Variants in DLC1 observed in about 807,000 individuals in gnomAD.
DLC1 encodes DLC1 Rho GTPase activating protein, also known as rho GTPase-activating protein 7.
In DLC1, 54 loss-of-function variants were observed where a neutral mutation model predicts 140.3. The ratio of observed to expected loss-of-function variants is 0.38; its 90% CI spans 0.31 to 0.48. The LOEUF (loss-of-function observed/expected upper bound fraction) is 0.48. Among genes scored for constraint, DLC1 ranks in the 20% least tolerant of loss-of-function variants. The probability of loss-of-function intolerance (pLI) is 0.96; values close to 1 mark genes in which losing one functional copy is unlikely to be tolerated. For synonymous variants in DLC1, 986 were observed against 728.1 expected (o/e 1.35, Z -5.70); for missense variants, 2,536 against 1,907.0 (o/e 1.33, Z -6.14).
At chr8:13,425,645 A>G (rs966235273) in intron 2 of DLC1, among the ~76,000 whole-genome samples, 5 of 129,858 alleles carry the variant, frequency 3.9e-5, no homozygotes, top group Admixed American at 8.7e-5. Flanking sequence ...TTGAGTCAAT[A>G]TCATTATTAT....
At chr8:13,125,806 T>A (rs747978911) in intron 5 of DLC1, among the ~76,000 whole-genome samples, 6 of 151,850 alleles carry the variant, frequency 4.0e-5, no homozygotes, top group Non-Finnish European at 7.4e-5. Flanking sequence ...TTAAAGAACA[T>A]TCCTAGAAAT....
chr8:13,311,584 A>G (rs1303761033), intron 4 of DLC1, among the ~76,000 whole-genome samples: 1 of 152,236 alleles, frequency 6.6e-6, no homozygotes, highest in Non-Finnish European at 1.5e-5. Flanking sequence ...AATAAAAGTT[A>G]TCAGCAATAT....
intron 3 of DLC1, 116 bp from the exon 4 acceptor site, chr8:13,393,809 A>C (rs1586266256): frequency 8.1e-7 from 1 of 1,238,920 alleles, no homozygotes. Context: ...TGATACACTA[A>C]AGAGTTGCTG....
chr8:13,545,501 G>A (rs1275615991), intron 1 of DLC1, among the ~76,000 whole-genome samples: 1 of 151,926 alleles, frequency 6.6e-6, no homozygotes, highest in African/African-American at 2.4e-5. Flanking sequence ...GTCCAAATTG[G>A]ATCATGATGC....
chr8:13,508,170 T>G (rs980357235), intron 1 of DLC1, among the ~76,000 whole-genome samples: 1 of 152,210 alleles, frequency 6.6e-6, no homozygotes, highest in Non-Finnish European at 1.5e-5. Context: ...TGTCTAATTT[T>G]CTTGCAGAGA....
At chr8:13,584,138 G>C (rs374529718) in intron 1 of DLC1, 1 of 153,282 alleles carries the variant, frequency 6.5e-6, no homozygotes, top group African/African-American at 2.4e-5. Context: ...TGCATCAGCT[G>C]CATGTTCTGT....
intron 5 of DLC1, among the ~76,000 whole-genome samples, chr8:13,255,467 A>G (rs1528628): frequency 0.55 from 83,188 of 152,006 alleles, 23,095 homozygotes; most frequent in East Asian, 0.86. Flanking sequence ...GTATCCTCAT[A>G]TCCACTAACT....
chr8:13,103,451 T>C (rs1249195988), intron 7 of DLC1, among the ~76,000 whole-genome samples: 2 of 152,178 alleles, frequency 1.3e-5, no homozygotes, highest in Non-Finnish European at 2.9e-5. Flanking sequence ...CTCTGATTCT[T>C]CAACTCTCAA....
Position 13,092,607 on chromosome 8 carries a change from C to G in DLC1, c.3740+5G>C, listed in dbSNP as rs774751541. 3 of 1,613,754 alleles carry G rather than the reference C, an allele frequency of 1.9e-6. No homozygotes were observed. The highest frequency in any genetic ancestry group is 2.5e-6 in the Non-Finnish European group (3 of 1,179,912). ...GTGTGCATGCACCTCCCATGCAGCC[C>G]GTACCTGGGAGAGGAATTCTCTCTC... is the stretch of plus-strand genomic sequence containing the variant. On this transcript the variant is annotated splice_donor_5th_base_variant and intron_variant, in intron 13 of 17. Transcript: ENST00000276297.
At chr8:13,363,007 C>T (rs1470542131) in intron 4 of DLC1, among the ~76,000 whole-genome samples, 1 of 152,124 alleles carries the variant, frequency 6.6e-6, no homozygotes, top group Non-Finnish European at 1.5e-5. Context: ...TTCATTTATT[C>T]AGTAATTGTG....
chr8:13,517,100 T>C (rs1802612119), upstream of DLC1, among the ~76,000 whole-genome samples: 1 of 152,184 alleles, frequency 6.6e-6, no homozygotes, highest in East Asian at 1.9e-4. Flanking sequence ...ATTTGTGTAT[T>C]TATGTTTATT....
intron 4 of DLC1, among the ~76,000 whole-genome samples, chr8:13,311,279 T>A (rs1174121815): frequency 6.6e-6 from 1 of 152,180 alleles, no homozygotes; most frequent in Non-Finnish European, 1.5e-5. Flanking sequence ...AGAATGTGGC[T>A]TTATAACCCT....
At chr8:13,320,802 G>T (rs1384989521) in intron 4 of DLC1, among the ~76,000 whole-genome samples, 2 of 152,238 alleles carry the variant, frequency 1.3e-5, no homozygotes, top group African/African-American at 4.8e-5. Context: ...ATTGCTTGAG[G>T]CCAAGAGTTC....
At chr8:13,433,501 A>G (rs1418354953) in intron 2 of DLC1, among the ~76,000 whole-genome samples, 4 of 152,350 alleles carry the variant, frequency 2.6e-5, no homozygotes, top group East Asian at 3.9e-4. Context: ...GGCTTTTCCA[A>G]TTAATGGTCA....
chr8:13,228,682 T>C (rs1351508964), intron 5 of DLC1, among the ~76,000 whole-genome samples: 1 of 152,204 alleles, frequency 6.6e-6, no homozygotes, highest in East Asian at 1.9e-4. Context: ...CCCAGGAGGC[T>C]GCAGTGAACT....
At chr8:13,519,575 C>A (rs932604197), upstream of DLC1, among the ~76,000 whole-genome samples, 9 of 152,100 alleles carry the variant, frequency 5.9e-5, no homozygotes, top group South Asian at 8.3e-4. Flanking sequence ...AACTTGGTAA[C>A]CATATAGTAT....
intron 1 of DLC1, among the ~76,000 whole-genome samples, chr8:13,548,358 A>T (rs13262009): frequency 6.5e-5 from 8 of 123,302 alleles, no homozygotes; most frequent in Non-Finnish European, 1.2e-4. Context: ...TATCTTGTTC[A>T]TTGCTGTGTA....
intron 1 of DLC1, among the ~76,000 whole-genome samples, chr8:13,588,120 G>A (rs993180466): frequency 1.3e-5 from 2 of 152,024 alleles, no homozygotes; most frequent in African/African-American, 4.8e-5. Flanking sequence ...AGCACAGTCT[G>A]CAAGGATTCA....
intron 5 of DLC1, among the ~76,000 whole-genome samples, chr8:13,145,394 T>C (rs1300175003): frequency 6.6e-6 from 1 of 152,206 alleles, no homozygotes; most frequent in African/African-American, 2.4e-5. Context: ...TACTTTAAAA[T>C]GCTAAGTTCT....
Sources: allele counts gnomAD v4.1 joint callset (sites outside exome capture counted in the v4.1 genomes callset), GRCh38; gene constraint gnomAD v4.1.1; transcripts MANE v1.5; gene names NCBI Gene and HGNC (gene_info 2026-07-23, HGNC 2026-07-21).